Variants in DGCR2 observed in about 807,000 individuals in gnomAD.
DGCR2 encodes the protein DiGeorge syndrome critical region gene 2.
Under a neutral mutation model 51.6 loss-of-function variants are expected in DGCR2, and 24 were observed. The ratio of observed to expected loss-of-function variants is 0.47; its 90% CI spans 0.34 to 0.65. The LOEUF (loss-of-function observed/expected upper bound fraction) is 0.65, where lower values mean the gene tolerates loss of function less well. DGCR2 is among the 30% of genes least tolerant of loss of function. DGCR2 has a pLI of 0.01. For missense variants in DGCR2, 765 were observed against 772.1 expected, an observed-to-expected ratio of 0.99 and a Z score of 0.11; for synonymous variants, 340 against 315.4, an observed-to-expected ratio of 1.08 and a Z score of -0.82.
chr22:19,062,802 C>CTCTCTCTCTCTCTCTCTCTCTCTCTCTA (rs1247339878), intron 5 of DGCR2, among the ~76,000 whole-genome samples: 1 of 148,546 alleles, frequency 6.7e-6, no homozygotes, highest in East Asian at 2.1e-4. Flanking sequence ...CTCTCTCTCT[C>CTCTCTCTCTCTCTCTCTCTCTCTCTCTA]TCTCTATCTG....
chr22:19,057,169 G>C lies in DGCR2; in HGVS notation c.626-7C>G, dbSNP rs1344182711. On this transcript the variant is annotated splice_region_variant and splice_polypyrimidine_tract_variant and intron_variant, in intron 5 of 9. Transcript: ENST00000263196. This position sits in a 1 kb window ranked among gnomAD's most constrained non-coding sequence, Gnocchi z 5.1. ...AGGAACACCTCTGAAGAGCCTGTTG[G>C]GGAGACAAAAGGTGGGGCTGGACAA... 6.3e-7 allele frequency: 1 copy of C among 1,596,636 alleles called. No individual in the cohort carries two copies. Among genetic ancestry groups the C allele is most frequent in the Non-Finnish European group, 8.5e-7 (1 of 1,171,482 alleles).
Position 19,075,460 on chromosome 22 carries a change from G to A in DGCR2, c.203-7235C>T, listed in dbSNP as rs558347542. Among the ~76,000 whole-genome samples, 200 of 146,950 alleles carry A rather than the reference G, an allele frequency of 1.4e-3. 1 individual carries two copies. The highest frequency in any genetic ancestry group is 5.0e-3 in the African/African-American group (195 of 38,924). ...AGACTCTGTCTCAAAAAAAAAAAAA[G>A]AGTGTACAGTTAAGTGGCATTATTA... On this transcript the variant is annotated intron_variant, in intron 2 of 9. Coordinates refer to ENST00000263196, the MANE Select transcript of DGCR2 (RefSeq NM_005137.3).
rs1601308129 is a variant in DGCR2 at position 19,110,762 on chromosome 22, T to G, written c.79+11366A>C. 7.2e-5 allele frequency among the ~76,000 whole-genome samples: 11 copies of G among 152,152 alleles called. No individual in the cohort carries two copies. The South Asian group carries it at 2.3e-3, about 32-fold the overall frequency. On this transcript the variant is annotated intron_variant, in intron 1 of 9. Transcript: ENST00000263196. ...TGCTGCCCATGTTTCAAATACCCACTCCATGACTTTAAAAGCTGTGTGACT... is the reference window on the plus strand; with the variant it reads ...TGCTGCCCATGTTTCAAATACCCACGCCATGACTTTAAAAGCTGTGTGACT...
chr22:19,095,014 G>C (rs139058298), intron 1 of DGCR2, among the ~76,000 whole-genome samples: 1 of 152,180 alleles, frequency 6.6e-6, no homozygotes, highest in Admixed American at 6.5e-5. Context: ...GTGACGATAC[G>C]CTGTGTTTGT....
In DGCR2 at chr22:19,037,985, G is replaced by A. The variant is rs1443941623; in HGVS notation, c.*880C>T. 2 of 152,984 alleles carry A rather than the reference G, an allele frequency of 1.3e-5. No homozygotes were observed. The highest frequency in any genetic ancestry group is 1.5e-5 in the Non-Finnish European group (1 of 68,370). The allele number at this position is 152,984 out of a possible 1,614,324, so 9.5% of individuals were successfully genotyped here. A position where few individuals can be genotyped will look rare whatever the true frequency, so the allele number is the denominator to read the frequency against. On this transcript the variant is annotated 3_prime_UTR_variant, in exon 10 of 10. Coordinates refer to ENST00000263196, the MANE Select transcript of DGCR2 (RefSeq NM_005137.3). ...ACAAATGGGGCCGGGGGCAGGCCCA[G>A]GGGCAATTCAACAGGAGGCAAGAGC...
intron 1 of DGCR2, among the ~76,000 whole-genome samples, chr22:19,121,344 C>T (rs2083429938): frequency 6.6e-6 from 1 of 152,044 alleles, no homozygotes; most frequent in Non-Finnish European, 1.5e-5. Context: ...CTAAAAGTAC[C>T]GTGGGCAAGT....
chr22:19,095,058 T>C (rs1291745736), intron 1 of DGCR2, among the ~76,000 whole-genome samples: 1 of 152,112 alleles, frequency 6.6e-6, no homozygotes, highest in East Asian at 1.9e-4. Context: ...CACAGATTTA[T>C]ACATATATGA....
intron 1 of DGCR2, among the ~76,000 whole-genome samples, chr22:19,105,153 T>C (rs2083248598): frequency 6.6e-6 from 1 of 152,068 alleles, no homozygotes; most frequent in African/African-American, 2.4e-5. Flanking sequence ...CAAAGCCCCA[T>C]CTCTACTAAA....
intron 6 of DGCR2, among the ~76,000 whole-genome samples, chr22:19,054,733 C>A (rs750022090): frequency 4.6e-5 from 6 of 130,788 alleles, no homozygotes; most frequent in Non-Finnish European, 9.9e-5. Context: ...CACAGTGATG[C>A]CCCACCTTAA....
chr22:19,052,323 T>C (rs1176411081), intron 6 of DGCR2, among the ~76,000 whole-genome samples: 1 of 151,296 alleles, frequency 6.6e-6, no homozygotes, highest in Non-Finnish European at 1.5e-5. Flanking sequence ...GGCTGAGACA[T>C]GCGAATCGCT....
Position 19,039,041 on chromosome 22 carries a change from G to A in DGCR2, c.1477C>T (p.Leu493=). The A allele has an allele frequency of 6.2e-7, 1 of 1,613,050 alleles. No homozygotes were observed. The highest frequency in any genetic ancestry group is 1.1e-5 in the South Asian group (1 of 91,074). ...CCCGCAGTGGGCAGAGGCTGCTCCAGGCGCCGGAGTAATGCACCTTCACTC... is the reference window on the plus strand; with the variant it reads ...CCCGCAGTGGGCAGAGGCTGCTCCAAGCGCCGGAGTAATGCACCTTCACTC... The part of the protein sequence containing the change: ...GGSEGALLRR[L]EQPLPTAGAS... The change falls in exon 10 of 10, where the codon CTG becomes TTG. Residue 493 remains leucine (L), a synonymous_variant. Transcript: ENST00000263196.
chr22:19,083,868 G>A (rs965436967), intron 2 of DGCR2, among the ~76,000 whole-genome samples: 10 of 151,938 alleles, frequency 6.6e-5, no homozygotes, highest in African/African-American at 7.3e-5. Context: ...GCAGGCGCGC[G>A]CCGCCATGCC....
intron 4 of DGCR2, among the ~76,000 whole-genome samples, chr22:19,064,027 G>A (rs765341960): frequency 1.3e-5 from 2 of 152,196 alleles, no homozygotes; most frequent in Non-Finnish European, 2.9e-5. Context: ...CTGCTCCTGA[G>A]CATGCAGGCC....
At position 19,065,082 on chromosome 22, in the gene DGCR2, G is replaced by T; in HGVS notation, c.329-15C>A. 2.5e-6 allele frequency: 4 copies of T among 1,611,216 alleles called. No homozygotes were observed. Among genetic ancestry groups the T allele is most frequent in the Non-Finnish European group, 3.4e-6 (4 of 1,178,236 alleles). The stretch of plus-strand genomic sequence containing the variant: ...CCCTAGGAAACATAAAGGACAGAAG[G>T]GGAGTTGTCCCCCAAGTTAGGATCC... On this transcript the variant is annotated splice_polypyrimidine_tract_variant and intron_variant, in intron 3 of 9. Transcript: ENST00000263196.
At chr22:19,092,864 T>A (rs1272474160) in intron 1 of DGCR2, among the ~76,000 whole-genome samples, 3 of 150,756 alleles carry the variant, frequency 2.0e-5, no homozygotes, top group African/African-American at 7.4e-5. Context: ...TTCAACAGAA[T>A]GGTACTGCGA....
Position 19,036,751 on chromosome 22 carries a change from G to A in DGCR2, c.*2114C>T, listed in dbSNP as rs2082373700. 1 of 149,178 alleles carries A rather than the reference G, an allele frequency of 6.7e-6. No homozygotes were observed. Among genetic ancestry groups the A allele is most frequent in the South Asian group, 2.1e-4 (1 of 4,782 alleles). 9.2% of individuals were successfully genotyped at this position (149,178 alleles called of 1,614,324 possible). On this transcript the variant is annotated 3_prime_UTR_variant, in exon 10 of 10. Transcript: ENST00000263196. Reference sequence around the variant, plus strand: ...GCCTGAGTGCTTGTGGAGGCCCATGGGGAAGGGGCCACCCAGCAACCCCGG... The same window carrying A: ...GCCTGAGTGCTTGTGGAGGCCCATGAGGAAGGGGCCACCCAGCAACCCCGG...
intron 2 of DGCR2, among the ~76,000 whole-genome samples, chr22:19,082,222 CTTTT>C (rs56725898): frequency 2.2e-4 from 19 of 88,050 alleles, no homozygotes; most frequent in Non-Finnish European, 3.4e-4. Flanking sequence ...CTAATTATTT[CTTTT>C]TTTTTTTTTT....
At chr22:19,056,383 CAT>C (rs1434630681) in intron 6 of DGCR2, 2 of 403,424 alleles carry the variant, frequency 5.0e-6, no homozygotes, top group Non-Finnish European at 4.6e-6. Context: ...ACATCACACA[CAT>C]GATCCGCAAG....
chr22:19,044,731 A>G (rs2082470137), intron 7 of DGCR2, among the ~76,000 whole-genome samples: 2 of 152,280 alleles, frequency 1.3e-5, no homozygotes, highest in Non-Finnish European at 2.9e-5. Flanking sequence ...CTAATGGCCA[A>G]TACTGAGCAT....
Sources: allele counts gnomAD v4.1 joint callset (sites outside exome capture counted in the v4.1 genomes callset), GRCh38; gene constraint gnomAD v4.1.1; non-coding constraint Gnocchi (gnomAD v3.1); transcripts MANE v1.5; gene names NCBI Gene and HGNC (gene_info 2026-07-23, HGNC 2026-07-21).